The following SORL1 variants were observed in gnomAD, a reference collection of about 807,000 sequenced individuals.
SORL1 encodes the protein sortilin-related receptor.
Under a neutral mutation model 273.7 loss-of-function variants are expected in SORL1, and 127 were observed. That is an observed-to-expected ratio of 0.46 (90% CI 0.40 to 0.54). The LOEUF (loss-of-function observed/expected upper bound fraction) is 0.54. SORL1 is among the 20% of genes least tolerant of loss of function. The probability of loss-of-function intolerance (pLI) is 0.00; values close to 1 mark genes in which losing one functional copy is unlikely to be tolerated. For missense variants in SORL1, 2,494 were observed against 2,846.1 expected, an observed-to-expected ratio of 0.88 and a Z score of 2.81; for synonymous variants, 1,031 against 1,067.4, an observed-to-expected ratio of 0.97 and a Z score of 0.66.
At chr11:121,489,126 T>C (rs755706077) in intron 4 of SORL1, among the ~76,000 whole-genome samples, 1 of 152,190 alleles carries the variant, frequency 6.6e-6, no homozygotes, top group African/African-American at 2.4e-5. Flanking sequence ...TGTATTCAGT[T>C]GGTTCTCTGT....
intron 4 of SORL1, 25 bp downstream of exon 4, chr11:121,488,218 T>A (rs1235181035): frequency 6.2e-7 from 1 of 1,610,286 alleles, no homozygotes; most frequent in Non-Finnish European, 8.5e-7. Flanking sequence ...AGAACCCAGT[T>A]GCATGGGGCT....
intron 12 of SORL1, 104 bp downstream of exon 12, chr11:121,532,656 C>G (rs1862218386): frequency 1.1e-6 from 1 of 938,148 alleles, no homozygotes; most frequent in Non-Finnish European, 1.6e-6. Context: ...TTGTTGACAG[C>G]ACAATTTGTG....
chr11:121,465,814 A>G (rs1354153795), intron 1 of SORL1, among the ~76,000 whole-genome samples: 2 of 152,240 alleles, frequency 1.3e-5, no homozygotes, highest in East Asian at 3.9e-4. Context: ...GGCATGAACC[A>G]CCACGCCCGG....
At chr11:121,485,774 A>G (rs1861464390) in intron 3 of SORL1, among the ~76,000 whole-genome samples, 1 of 152,228 alleles carries the variant, frequency 6.6e-6, no homozygotes, top group African/African-American at 2.4e-5. Flanking sequence ...GCCAGAAATT[A>G]TGATGATCCT....
rs976352898 is a variant in SORL1 at position 121,590,765 on chromosome 11, G to A, written c.4214-236G>A. 14 of 729,364 alleles carry A rather than the reference G, an allele frequency of 1.9e-5. No individual in the cohort carries two copies. The Middle Eastern group carries it at 6.9e-4, about 36-fold the overall frequency. 45.2% of individuals were successfully genotyped at this position (729,364 alleles called of 1,614,324 possible). On this transcript the variant is annotated intron_variant, in intron 30 of 47. Coordinates refer to ENST00000260197, the MANE Select transcript of SORL1 (RefSeq NM_003105.6). ...AAGCAAACTTATCTGAATATTAACC[G>A]AAATCAAATATAGTAAGGGAAATCT...
At chr11:121,502,121 A>ATTTTTTT (rs1242828050) in intron 6 of SORL1, among the ~76,000 whole-genome samples, 5 of 82,386 alleles carry the variant, frequency 6.1e-5, no homozygotes, top group Admixed American at 1.3e-4. Context: ...TCATGTGACA[A>ATTTTTTT]TTCTTTTTTT....
intron 2 of SORL1, among the ~76,000 whole-genome samples, chr11:121,473,282 A>G (rs1861200917): frequency 6.6e-6 from 1 of 152,088 alleles, no homozygotes; most frequent in Admixed American, 6.5e-5. Flanking sequence ...AAAGTCATGC[A>G]TATTCAGTAT....
chr11:121,479,970 A>C (rs928485565), intron 3 of SORL1, among the ~76,000 whole-genome samples: 2 of 152,092 alleles, frequency 1.3e-5, no homozygotes, highest in Admixed American at 1.3e-4. Flanking sequence ...CCTTTGCCCC[A>C]CCGCACAGTG....
chr11:121,571,050 G>A (rs1459350324), intron 23 of SORL1, among the ~76,000 whole-genome samples: 1 of 152,204 alleles, frequency 6.6e-6, no homozygotes, highest in East Asian at 1.9e-4. Context: ...TCTGTGCTGG[G>A]CCTGCATATA....
At chr11:121,475,561 G>T (rs1400046296) in intron 2 of SORL1, among the ~76,000 whole-genome samples, 1 of 152,204 alleles carries the variant, frequency 6.6e-6, no homozygotes, top group Non-Finnish European at 1.5e-5. Flanking sequence ...TTTCTACTTG[G>T]TTAATGTGGG....
chr11:121,485,404 G>A (rs929721151), intron 3 of SORL1, among the ~76,000 whole-genome samples: 1 of 152,164 alleles, frequency 6.6e-6, no homozygotes, highest in Non-Finnish European at 1.5e-5. Context: ...CTAGTCCTGC[G>A]TCACCTTGGG....
intron 38 of SORL1, 81 bp from the exon 39 acceptor site, chr11:121,610,995 G>T: frequency 1.1e-6 from 1 of 915,060 alleles, no homozygotes; most frequent in African/African-American, 1.6e-5. Flanking sequence ...GGCTTTGTCC[G>T]TTGAGTTGAA....
intron 14 of SORL1, among the ~76,000 whole-genome samples, chr11:121,549,174 C>G (rs1156782526): frequency 6.6e-6 from 1 of 152,144 alleles, no homozygotes; most frequent in African/African-American, 2.4e-5. Flanking sequence ...TACAGGGTGA[C>G]TTAGCTAGTA....
At chr11:121,491,762 C>T (rs1030466587) in intron 5 of SORL1, among the ~76,000 whole-genome samples, 5 of 152,152 alleles carry the variant, frequency 3.3e-5, no homozygotes, top group East Asian at 3.8e-4. Flanking sequence ...AGTCTTTCTG[C>T]GTTTACTCTT....
chr11:121,465,231 C>T (rs918848928), intron 1 of SORL1, among the ~76,000 whole-genome samples: 2 of 152,150 alleles, frequency 1.3e-5, no homozygotes, highest in African/African-American at 2.4e-5. Flanking sequence ...TTTACCTATT[C>T]GGGACATTTC....
chr11:121,506,419 G>A (rs913964312), intron 6 of SORL1, among the ~76,000 whole-genome samples: 1 of 152,156 alleles, frequency 6.6e-6, no homozygotes, highest in East Asian at 1.9e-4. Flanking sequence ...GCAAGCAGGA[G>A]CAAGTCATGT....
At chr11:121,600,631 A>G (rs1863374176) in intron 32 of SORL1, among the ~76,000 whole-genome samples, 1 of 152,248 alleles carries the variant, frequency 6.6e-6, no homozygotes, top group African/African-American at 2.4e-5. Flanking sequence ...AATCTGGCTT[A>G]TTCACAGGGA....
chr11:121,481,397 A>C (rs1861383342), intron 3 of SORL1, among the ~76,000 whole-genome samples: 1 of 127,480 alleles, frequency 7.8e-6, no homozygotes. Context: ...ACCTATAGGC[A>C]GGCTCCATCT....
chr11:121,532,416 A>G, intron 11 of SORL1, 48 bp from the exon 12 acceptor site: 1 of 1,567,808 alleles, frequency 6.4e-7, no homozygotes, highest in Non-Finnish European at 8.8e-7. Context: ...TGGTTTCTGC[A>G]CAATTACCTC....
Sources: allele counts gnomAD v4.1 joint callset (sites outside exome capture counted in the v4.1 genomes callset), GRCh38; gene constraint gnomAD v4.1.1; transcripts MANE v1.5; gene names NCBI Gene and HGNC (gene_info 2026-07-23, HGNC 2026-07-21).